Variants in ANO2 observed in about 807,000 individuals in gnomAD.
ANO2 encodes anoctamin-2.
A neutral mutation model predicts 124.2 loss-of-function variants in ANO2; 101 were observed. That is an observed-to-expected ratio of 0.81 (90% confidence interval 0.69 to 0.96). The LOEUF (loss-of-function observed/expected upper bound fraction) is 0.96. Among genes scored for constraint, ANO2 ranks in the 40% least tolerant of loss-of-function variants. The probability of loss-of-function intolerance (pLI) is 0.00; values close to 1 mark genes in which losing one functional copy is unlikely to be tolerated. For synonymous variants in ANO2, 486 were observed against 482.5 expected (o/e 1.01, Z -0.09); for missense variants, 1,293 against 1,274.5 (o/e 1.01, Z -0.22).
intron 3 of ANO2, among the ~76,000 whole-genome samples, chr12:5,869,530 G>A (rs1955516709): frequency 6.6e-6 from 1 of 152,116 alleles, no homozygotes. Context: ...ACCCCTGCTG[G>A]GTCAAAATTC....
intron 3 of ANO2, among the ~76,000 whole-genome samples, chr12:5,907,730 G>A (rs1467224716): frequency 2.6e-5 from 4 of 152,174 alleles, no homozygotes; most frequent in African/African-American, 4.8e-5. Flanking sequence ...GAAGTATTTC[G>A]CCCATGAACG....
At chr12:5,711,117 C>T (rs1249947899) in intron 14 of ANO2, among the ~76,000 whole-genome samples, 2 of 149,744 alleles carry the variant, frequency 1.3e-5, no homozygotes, top group East Asian at 4.0e-4. Context: ...GAGATCGCGC[C>T]ACTGTACTCC....
chr12:5,764,116 A>G (rs1262340074), intron 10 of ANO2, among the ~76,000 whole-genome samples: 1 of 119,936 alleles, frequency 8.3e-6, no homozygotes, highest in Non-Finnish European at 1.9e-5. Context: ...GGTAACAAAC[A>G]CAAACTTCCC....
chr12:5,944,151 C>T (rs1943003044), intron 1 of ANO2, among the ~76,000 whole-genome samples: 1 of 152,202 alleles, frequency 6.6e-6, no homozygotes, highest in African/African-American at 2.4e-5. Flanking sequence ...GGATGCCCAG[C>T]AGCTGAGCCA....
intron 1 of ANO2, among the ~76,000 whole-genome samples, chr12:5,943,693 G>A (rs938319180): frequency 5.3e-5 from 8 of 152,158 alleles, no homozygotes; most frequent in Admixed American, 3.9e-4. Context: ...CAATACAGAT[G>A]GATTATACCG....
chr12:5,863,580 A>C (rs1435132998), intron 3 of ANO2, among the ~76,000 whole-genome samples: 3 of 152,202 alleles, frequency 2.0e-5, no homozygotes, highest in African/African-American at 7.2e-5. Flanking sequence ...TTACAAAAGG[A>C]CCTGTGGAAA....
chr12:5,875,071 C>A (rs1435436263), intron 3 of ANO2, among the ~76,000 whole-genome samples: 1 of 152,174 alleles, frequency 6.6e-6, no homozygotes, highest in Non-Finnish European at 1.5e-5. Context: ...GCACCTGGCC[C>A]CTCTCTCATC....
At chr12:5,741,138 A>T (rs1402858977) in intron 12 of ANO2, 1 of 152,230 alleles carries the variant, frequency 6.6e-6, no homozygotes, top group African/African-American at 2.4e-5. Flanking sequence ...ACACTTCACT[A>T]CATGCCATGC....
At chr12:5,628,657 G>A (rs1157102521) in intron 16 of ANO2, among the ~76,000 whole-genome samples, 2 of 149,330 alleles carry the variant, frequency 1.3e-5, no homozygotes, top group African/African-American at 2.5e-5. Flanking sequence ...TTGGTACAGG[G>A]TAAGCAGAGA....
rs1245889486 is a variant in ANO2, at chr12:5,684,880, G to A, written c.1546-37079C>T. Reference sequence around the variant, plus strand: ...GGTGCTGGAGTCAGGGGTCCTGGGTGCAAATTCTGGCTCTACTGCTTATTA... The same window carrying A: ...GGTGCTGGAGTCAGGGGTCCTGGGTACAAATTCTGGCTCTACTGCTTATTA... On this transcript the variant is annotated intron_variant, in intron 14 of 24. Transcript: ENST00000682330. Among the ~76,000 whole-genome samples the A allele has an allele frequency of 5.3e-5, 8 of 152,314 alleles. No homozygotes were observed. The South Asian group carries it at 1.7e-3, about 32-fold the overall frequency.
chr12:5,867,563 G>A (rs1433279848), intron 3 of ANO2, among the ~76,000 whole-genome samples: 3 of 152,032 alleles, frequency 2.0e-5, no homozygotes, highest in African/African-American at 2.4e-5. Context: ...GTGCTGCCCC[G>A]CACATCTGTC....
At chr12:5,806,912 C>CT (rs1413534193) in intron 8 of ANO2, among the ~76,000 whole-genome samples, 6 of 152,338 alleles carry the variant, frequency 3.9e-5, no homozygotes, top group African/African-American at 1.2e-4. Context: ...AAGGAGACGT[C>CT]TGACAGTCCA....
chr12:5,688,498 A>T (rs1948795568), intron 14 of ANO2, among the ~76,000 whole-genome samples: 1 of 152,114 alleles, frequency 6.6e-6, no homozygotes, highest in African/African-American at 2.4e-5. Flanking sequence ...CAAAGGTTTG[A>T]CTCTTGTACT....
chr12:5,886,093 C>A (rs1938879785), intron 3 of ANO2, among the ~76,000 whole-genome samples: 1 of 152,172 alleles, frequency 6.6e-6, no homozygotes. Flanking sequence ...AGACCCTTCC[C>A]AGCCCATAAA....
intron 10 of ANO2, among the ~76,000 whole-genome samples, chr12:5,786,453 A>G (rs1388603056): frequency 6.6e-6 from 1 of 152,114 alleles, no homozygotes; most frequent in Non-Finnish European, 1.5e-5. Context: ...GGCCTCAGAC[A>G]TGATATCCCT....
At chr12:5,863,502 T>C (rs963013671) in intron 3 of ANO2, among the ~76,000 whole-genome samples, 1 of 152,208 alleles carries the variant, frequency 6.6e-6, no homozygotes, top group African/African-American at 2.4e-5. Context: ...CTCTCTCGGA[T>C]TGACAGGCAA....
intron 14 of ANO2, among the ~76,000 whole-genome samples, chr12:5,664,952 A>ATCC (rs1947625543): frequency 6.6e-6 from 1 of 152,182 alleles, no homozygotes. Context: ...GACAGTTGGA[A>ATCC]GAGTTCCTTT....
intron 3 of ANO2, among the ~76,000 whole-genome samples, chr12:5,860,961 G>A (rs1312215055): frequency 1.3e-5 from 2 of 152,116 alleles, no homozygotes; most frequent in Non-Finnish European, 2.9e-5. Context: ...AGTCTTTGAC[G>A]TCTTCACTCA....
intron 14 of ANO2, among the ~76,000 whole-genome samples, chr12:5,732,258 T>C (rs979891308): frequency 6.6e-6 from 1 of 152,144 alleles, no homozygotes; most frequent in African/African-American, 2.4e-5. Flanking sequence ...GAATCAGGCC[T>C]GAAACTGTTT....
Sources: allele counts gnomAD v4.1 joint callset (sites outside exome capture counted in the v4.1 genomes callset), GRCh38; gene constraint gnomAD v4.1.1; transcripts MANE v1.5; gene names NCBI Gene and HGNC (gene_info 2026-07-23, HGNC 2026-07-21).